CHD9: variants seen among roughly 807,000 people sequenced by gnomAD.
CHD9 encodes chromodomain helicase DNA binding protein 9, also known as ATP-dependent chromatin remodeler CHD9.
A neutral mutation model predicts 316.1 loss-of-function variants in CHD9; 77 were observed. That is an observed-to-expected ratio of 0.24 (90% CI 0.20 to 0.29). The LOEUF (loss-of-function observed/expected upper bound fraction) is 0.29, where lower values mean the gene tolerates loss of function less well. CHD9 is among the 10% of genes least tolerant of loss of function. CHD9 has a pLI of 1.00. For synonymous variants in CHD9, 1,129 were observed against 1,158.3 expected (o/e 0.97, Z 0.51); for missense variants, 2,763 against 3,438.1 (o/e 0.80, Z 4.91).
chr16:53,106,831 G>C (rs916336955), intron 1 of CHD9, among the ~76,000 whole-genome samples: 1 of 152,180 alleles, frequency 6.6e-6, no homozygotes, highest in Non-Finnish European at 1.5e-5. Flanking sequence ...AAGAGGTAAT[G>C]TGTATGTTCA....
At chr16:53,217,896 C>T (rs148376979) in intron 3 of CHD9, among the ~76,000 whole-genome samples, 112 of 150,670 alleles carry the variant, frequency 7.4e-4, no homozygotes, top group African/African-American at 2.6e-3. Flanking sequence ...CATACCACTG[C>T]GCCTGGCTTA....
intron 37 of CHD9, chr16:53,319,785 C>T (rs1274668200): frequency 8.2e-7 from 1 of 1,223,528 alleles, no homozygotes; most frequent in Non-Finnish European, 1.1e-6. Flanking sequence ...TGTAGAGTTT[C>T]TAATTGTCTT....
chr16:53,189,672 T>C (rs1284660569), intron 2 of CHD9, among the ~76,000 whole-genome samples: 1 of 152,082 alleles, frequency 6.6e-6, no homozygotes, highest in East Asian at 1.9e-4. Flanking sequence ...GTTTGCTGTG[T>C]TTGTATTTTG....
intron 1 of CHD9, among the ~76,000 whole-genome samples, chr16:53,080,205 G>A (rs771305869): frequency 1.7e-4 from 26 of 152,146 alleles, no homozygotes; most frequent in Non-Finnish European, 2.8e-4. Context: ...AGTATTCTGT[G>A]GGCAGAAACA....
At chr16:53,291,662 T>C in intron 27 of CHD9, 63 bp from the exon 28 acceptor site, 1 of 1,127,284 alleles carries the variant, frequency 8.9e-7, no homozygotes, top group Non-Finnish European at 1.3e-6. Context: ...TGATTCTCTT[T>C]TCTTTTTTTA....
Position 53,247,363 on chromosome 16 carries a change from A to G in CHD9, c.3525A>G (p.Gln1175=), listed in dbSNP as rs769172930. The change falls in exon 16 of 39, where the codon CAA becomes CAG. Residue 1175 remains glutamine (Q), a synonymous_variant. Coordinates refer to ENST00000447540, the MANE Select transcript of CHD9 (RefSeq NM_001308319.2). ...CAGCTGCTTCTGATTTTCATCTTCA[A>G]GCAATGATCCAGTCTGCTGGTAAAT... ...YNPAASDFHL[Q]AMIQSAGKLV... The G allele has an allele frequency of 3.1e-6, 5 of 1,607,898 alleles. No homozygotes were observed. In the African/African-American group the frequency reaches 5.3e-5, roughly 17 times the overall value.
intron 2 of CHD9, among the ~76,000 whole-genome samples, chr16:53,178,647 A>G (rs1381341769): frequency 6.6e-6 from 1 of 151,758 alleles, no homozygotes; most frequent in Non-Finnish European, 1.5e-5. Flanking sequence ...TTCGTTGTAG[A>G]GATGAGACTC....
intron 28 of CHD9, 139 bp downstream of exon 28, chr16:53,291,906 A>G: frequency 2.0e-6 from 1 of 487,912 alleles, no homozygotes; most frequent in South Asian, 4.9e-5. Context: ...TCGTTATAGG[A>G]CATACTAGTT....
chr16:53,236,787 A>G (rs574141415), intron 11 of CHD9, among the ~76,000 whole-genome samples: 79 of 151,988 alleles, frequency 5.2e-4, no homozygotes, highest in Non-Finnish European at 9.1e-4. Flanking sequence ...CTGAACTCCA[A>G]CAGTTTCCAC....
intron 37 of CHD9, among the ~76,000 whole-genome samples, chr16:53,320,862 G>A (rs1274482429): frequency 1.3e-5 from 2 of 152,042 alleles, no homozygotes; most frequent in South Asian, 2.1e-4. Flanking sequence ...ATCGATAACA[G>A]TATTGGTTTT....
intron 1 of CHD9, among the ~76,000 whole-genome samples, chr16:53,148,051 A>G (rs1011644408): frequency 2.0e-5 from 3 of 152,010 alleles, no homozygotes; most frequent in Non-Finnish European, 2.9e-5. Context: ...TAAAAATAAA[A>G]AAAAAATTAC....
intron 12 of CHD9, among the ~76,000 whole-genome samples, chr16:53,242,151 C>T (rs1597600229): frequency 6.6e-6 from 1 of 152,160 alleles, no homozygotes; most frequent in East Asian, 1.9e-4. Context: ...GATACCACAT[C>T]GCAATAATGG....
chr16:53,188,330 C>T (rs1597353251), intron 2 of CHD9, among the ~76,000 whole-genome samples: 2 of 152,198 alleles, frequency 1.3e-5, no homozygotes, highest in East Asian at 3.9e-4. Flanking sequence ...TGCATATATT[C>T]CTAGGAATGG....
chr16:53,304,250 A>G lies in CHD9; in HGVS notation c.6244A>G (p.Asn2082Asp). Reference protein sequence around the residue: ...LIKSEPVSPKNGVLPQATGDQ... With the variant: ...LIKSEPVSPKDGVLPQATGDQ... The stretch of plus-strand genomic sequence containing the variant: ...AAAATCTGAGCCTGTAAGTCCAAAG[A>G]ATGGTGTTTTACCACAGGCTACTGG... Residue 2082 changes from asparagine (N) to aspartate (D), a missense_variant, in exon 31 of 39, where the codon AAT (asparagine) becomes GAT (aspartate). This residue lies in a region of CHD9 where 663 missense variants were observed against 751.2 expected (regional missense o/e 0.88). Coordinates refer to ENST00000447540, the MANE Select transcript of CHD9 (RefSeq NM_001308319.2). 1.2e-6 allele frequency: 2 copies of G among 1,611,382 alleles called. No homozygotes were observed. Among genetic ancestry groups the G allele is most frequent in the Non-Finnish European group, 1.7e-6 (2 of 1,179,060 alleles).
chr16:53,315,867 C>T (rs375344596), intron 36 of CHD9, among the ~76,000 whole-genome samples: 1 of 152,158 alleles, frequency 6.6e-6, no homozygotes, highest in East Asian at 1.9e-4. Flanking sequence ...AAATCTGGAG[C>T]CCAAACTGCT....
chr16:53,294,007 A>G (rs1164061961), intron 29 of CHD9, among the ~76,000 whole-genome samples: 3 of 152,196 alleles, frequency 2.0e-5, no homozygotes, highest in Admixed American at 1.3e-4. Context: ...ATTCCATTCT[A>G]TCATATTTTA....
intron 3 of CHD9, among the ~76,000 whole-genome samples, chr16:53,210,554 T>A (rs2046250052): frequency 6.6e-6 from 1 of 152,120 alleles, no homozygotes; most frequent in Non-Finnish European, 1.5e-5. Context: ...TTGCTTAGCA[T>A]GCAAGGGTAA....
At chr16:53,180,887 G>C (rs1205122829) in intron 2 of CHD9, among the ~76,000 whole-genome samples, 1 of 151,748 alleles carries the variant, frequency 6.6e-6, no homozygotes, top group African/African-American at 2.4e-5. Flanking sequence ...GTGTTAGCCA[G>C]GTTGGTCTCA....
intron 2 of CHD9, among the ~76,000 whole-genome samples, chr16:53,188,455 T>A (rs1010237548): frequency 6.6e-6 from 1 of 152,148 alleles, no homozygotes; most frequent in Non-Finnish European, 1.5e-5. Flanking sequence ...GGGTTCCAAT[T>A]TTTCCATACT....
Sources: gnomAD v4.1 joint callset for allele counts (sites outside exome capture counted in the v4.1 genomes callset) on GRCh38, gnomAD v4.1.1 for gene constraint, gnomAD v4.1.1 regional missense constraint, MANE v1.5 for transcripts, NCBI Gene and HGNC (gene_info 2026-07-23, HGNC 2026-07-21) for gene names.